KCNH3: variants seen among roughly 807,000 people sequenced by gnomAD.
The protein encoded by KCNH3 is voltage-gated inwardly rectifying potassium channel KCNH3.
A neutral mutation model predicts 95.6 loss-of-function variants in KCNH3; 36 were observed. That is an observed-to-expected ratio of 0.38 (90% CI 0.29 to 0.50). KCNH3 has a LOEUF of 0.50. Ranked by LOEUF, KCNH3 falls within the 20% of genes least tolerant of loss-of-function variation. The pLI is 0.95. For missense variants in KCNH3, 1,030 were observed against 1,484.1 expected, an observed-to-expected ratio of 0.69 and a Z score of 5.03; for synonymous variants, 620 against 646.3, an observed-to-expected ratio of 0.96 and a Z score of 0.62.
rs113722856 is a variant in KCNH3 at position 49,543,496 on chromosome 12, C to G, written c.801C>G (p.Ala267=). 1 of 1,598,338 alleles carries G rather than the reference C, an allele frequency of 6.3e-7. No homozygotes were observed. The highest frequency in any genetic ancestry group is 1.3e-5 in the African/African-American group (1 of 75,020). Residue 267 remains alanine (A), a synonymous_variant, in exon 5 of 15, where the codon GCC becomes GCG. Transcript: ENST00000257981. Reference sequence around the variant, plus strand: ...GCCCGCCCAGCGTCTGTGACCTGGCCGTGGAGGTCCTCTTCATCCTTGGTG... The same window carrying G: ...GCCCGCCCAGCGTCTGTGACCTGGCGGTGGAGGTCCTCTTCATCCTTGGTG... The part of the protein sequence containing the change: ...ARGPPSVCDL[A]VEVLFILDIV...
chr12:49,557,611 C>T lies in KCNH3; in HGVS notation c.2910C>T (p.Pro970=). The change falls in exon 15 of 15, where the codon CCC becomes CCT. Residue 970 remains proline, a synonymous_variant. Transcript: ENST00000257981. ...CCCACCCTCGTCCGGGGCCTCCTCC[C>T]CTCATGGCACCCTGGCCCTGGGGTC... The part of the protein sequence containing the change: ...TWPHPRPGPP[P]LMAPWPWGPP... 6.2e-7 allele frequency: 1 copy of T among 1,613,538 alleles called. No homozygotes were observed. Among genetic ancestry groups the T allele is most frequent in the Non-Finnish European group, 8.5e-7 (1 of 1,179,938 alleles).
Position 49,548,947 on chromosome 12 carries a change from C to A in KCNH3, c.1242C>A (p.Gly414=), listed in dbSNP as rs750770786. ...RRLETPYYLV[G]RRPAGGNSSG... is the part of the protein sequence containing the mutation. ...TGGAGACTCCCTACTACCTGGTGGG[C>A]CGGAGGCCAGCTGGAGGGAACAGCT... Residue 414 remains glycine, a synonymous_variant, in exon 8 of 15, where the codon GGC becomes GGA. Transcript: ENST00000257981. The A allele has an allele frequency of 6.2e-7, 1 of 1,603,714 alleles. No homozygotes were observed. Among genetic ancestry groups the A allele is most frequent in the South Asian group, 1.1e-5 (1 of 89,882 alleles).
chr12:49,540,194 GTCTCCGGTTCCTGATAGGGGGTGGGAGCC>G (rs2138135180), intron 1 of KCNH3, among the ~76,000 whole-genome samples: 1 of 152,208 alleles, frequency 6.6e-6, no homozygotes, highest in Non-Finnish European at 1.5e-5. Flanking sequence ...GTCCTCCTTG[GTCTCCGGTTCCTGATAGGGGGTGGGAGCC>G]CAGCCCTGCG....
intron 7 of KCNH3, among the ~76,000 whole-genome samples, chr12:49,546,531 C>T (rs1188800336): frequency 6.6e-6 from 1 of 152,180 alleles, no homozygotes; most frequent in Non-Finnish European, 1.5e-5. Context: ...TTTCCACTGC[C>T]CATGATGTGG....
rs902221260 is a variant in KCNH3, at chr12:49,558,332, G to C, written c.*379G>C. On this transcript the variant is annotated 3_prime_UTR_variant, in exon 15 of 15. Coordinates refer to ENST00000257981, the MANE Select transcript of KCNH3 (RefSeq NM_012284.3). ...AACCTGGTGCTTTTTATTTACAAAAGAAAAACAATAAAAGAAGAGTCTGAG... is the reference window on the plus strand; with the variant it reads ...AACCTGGTGCTTTTTATTTACAAAACAAAAACAATAAAAGAAGAGTCTGAG... The C allele has an allele frequency of 1.5e-5, 6 of 404,858 alleles. No homozygotes were observed. In the East Asian group the frequency reaches 1.8e-4, roughly 12 times the overall value. 25.1% of individuals were successfully genotyped at this position (404,858 alleles called of 1,614,324 possible).
In KCNH3 at chr12:49,549,679, C is replaced by T. The variant is rs200514156; in HGVS notation, c.1668+39C>T. On this transcript the variant is annotated intron_variant, in intron 9 of 14. Transcript: ENST00000257981. The stretch of plus-strand genomic sequence containing the variant: ...GGCTGGGCCTGCTAGCCTTTGCTCC[C>T]TCAGGGGGTTTGCAATAGCCTAGAA... The T allele has an allele frequency of 2.2e-5, 35 of 1,571,712 alleles. No individual in the cohort carries two copies. The Admixed American group carries it at 5.7e-4, about 26-fold the overall frequency.
At chr12:49,548,803 C>A in intron 7 of KCNH3, 92 bp from the exon 8 acceptor site, 1 of 1,332,314 alleles carries the variant, frequency 7.5e-7, no homozygotes, top group Non-Finnish European at 1.0e-6. Context: ...AGCCATGGGG[C>A]TGGGTCTGTG....
At position 49,549,183 on chromosome 12, in the gene KCNH3, G is replaced by A; in HGVS notation, c.1468+10G>A. The A allele has an allele frequency of 1.3e-6, 2 of 1,571,252 alleles. No individual in the cohort carries two copies. The highest frequency in any genetic ancestry group is 1.7e-6 in the Non-Finnish European group (2 of 1,156,690). On this transcript the variant is annotated intron_variant, in intron 8 of 14. Transcript: ENST00000257981. ...ACCATGCTCATCGGCGGTGAGCCCG[G>A]CCGCGCGCGTCTTCCCGGGGCCACT...
intron 13 of KCNH3, 83 bp from the exon 14 acceptor site, chr12:49,557,100 C>G: frequency 7.5e-7 from 1 of 1,337,054 alleles, no homozygotes; most frequent in Non-Finnish European, 1.1e-6. Flanking sequence ...TCAATGTGCT[C>G]TAACTGGGGC....
rs918740340 is a variant in KCNH3 at position 49,544,500 on chromosome 12, CAG to C, written c.1189+122_1189+123del. ...TGTGCAAGTCTGCACGTGTGCAAAT[CAG>C]AGAAGAGGGTGTGCAGGTGTGAGTG... On this transcript the variant is annotated intron_variant, in intron 7 of 14. Transcript: ENST00000257981. The C allele has an allele frequency of 1.1e-4, 108 of 993,550 alleles. 1 individual carries two copies. The highest frequency in any genetic ancestry group is 5.3e-4 in the South Asian group (36 of 67,488). 61.5% of individuals were successfully genotyped at this position (993,550 alleles called of 1,614,324 possible).
chr12:49,542,086 C>G (rs1937890227), intron 3 of KCNH3, among the ~76,000 whole-genome samples: 1 of 152,262 alleles, frequency 6.6e-6, no homozygotes, highest in Non-Finnish European at 1.5e-5. Context: ...CCAGGTTCCT[C>G]TTTCCTACAG....
Position 49,550,349 on chromosome 12 carries a change from A to G in KCNH3, c.1918+20A>G, listed in dbSNP as rs1314426165. The G allele has an allele frequency of 1.3e-6, 2 of 1,586,916 alleles. No individual in the cohort carries two copies. Among genetic ancestry groups the G allele is most frequent in the Non-Finnish European group, 1.7e-6 (2 of 1,166,998 alleles). On this transcript the variant is annotated intron_variant, in intron 10 of 14. Coordinates refer to ENST00000257981, the MANE Select transcript of KCNH3 (RefSeq NM_012284.3). Reference sequence around the variant, plus strand: ...TCCTAGGTTTGTGAGGGTGGGAGAGAGGGCGTGGGGGCACGTGTGTGTGAG... The same window carrying G: ...TCCTAGGTTTGTGAGGGTGGGAGAGGGGGCGTGGGGGCACGTGTGTGTGAG...
At chr12:49,551,944 C>T (rs1474823050) in intron 10 of KCNH3, among the ~76,000 whole-genome samples, 1 of 152,156 alleles carries the variant, frequency 6.6e-6, no homozygotes, top group Non-Finnish European at 1.5e-5. Flanking sequence ...CAGCTGGAAA[C>T]AAGAGGAAAA....
intron 7 of KCNH3, among the ~76,000 whole-genome samples, chr12:49,546,878 G>C (rs1039298147): frequency 1.2e-4 from 18 of 152,176 alleles, no homozygotes; most frequent in Admixed American, 1.0e-3. Flanking sequence ...TGACTGTGAA[G>C]AGTTTTACGT....
chr12:49,555,320 C>T (rs1258622296), intron 11 of KCNH3, among the ~76,000 whole-genome samples: 2 of 148,826 alleles, frequency 1.3e-5, no homozygotes, highest in South Asian at 2.1e-4. Flanking sequence ...GGTGTGGTGG[C>T]GGGCGCCTGT....
Position 49,557,086 on chromosome 12 carries a change from C to T in KCNH3, c.2576-97C>T, listed in dbSNP as rs1176513824. The T allele has an allele frequency of 1.0e-4, 120 of 1,185,380 alleles. No homozygotes were observed. The Admixed American group carries it at 2.0e-3, about 20-fold the overall frequency. 73.4% of individuals were successfully genotyped at this position (1,185,380 alleles called of 1,614,324 possible). ...GATGATCCTAGGAGTCAGGTCCTAC[C>T]AGGTCAATGTGCTCTAACTGGGGCA... On this transcript the variant is annotated intron_variant, in intron 13 of 14. Transcript: ENST00000257981.
intron 9 of KCNH3, 63 bp downstream of exon 9, chr12:49,549,703 A>G: frequency 1.4e-6 from 2 of 1,467,546 alleles, no homozygotes; most frequent in Admixed American, 3.8e-5. Context: ...AATAGCCTAG[A>G]ATTATCAGGA....
At chr12:49,541,230 C>A (rs140639580) in intron 2 of KCNH3, 98 bp downstream of exon 2, 28 of 871,810 alleles carry the variant, frequency 3.2e-5, no homozygotes, top group Middle Eastern at 3.1e-4. Context: ...TTGCCATCTT[C>A]TCCATCTCCC....
intron 10 of KCNH3, among the ~76,000 whole-genome samples, chr12:49,552,782 G>A (rs971114488): frequency 3.3e-5 from 5 of 151,786 alleles, no homozygotes; most frequent in Non-Finnish European, 5.9e-5. Flanking sequence ...CAAGAAGCAC[G>A]TGCTTATTCT....
Sources: allele counts gnomAD v4.1 joint callset (sites outside exome capture counted in the v4.1 genomes callset), GRCh38; gene constraint gnomAD v4.1.1; transcripts MANE v1.5; gene names NCBI Gene and HGNC (gene_info 2026-07-23, HGNC 2026-07-21).